The following INTS6L variants were observed in gnomAD, a reference collection of about 807,000 sequenced individuals.
INTS6L encodes integrator complex subunit 6-like.
In INTS6L, 18 loss-of-function variants were observed where a neutral mutation model predicts 64.7. That is an observed-to-expected ratio of 0.28 (90% CI 0.19 to 0.41). INTS6L has a LOEUF of 0.41. Among genes scored for constraint, INTS6L ranks in the 10% least tolerant of loss-of-function variants. The pLI is 1.00. For synonymous variants in INTS6L, 227 were observed against 235.9 expected (o/e 0.96, Z 0.34); for missense variants, 533 against 661.0 (o/e 0.81, Z 2.12).
chrX:135,535,689 A>G (rs2086034987), intron 2 of INTS6L, among the ~76,000 whole-genome samples: 1 of 112,267 alleles, frequency 8.9e-6, no homozygotes, highest in South Asian at 3.7e-4. Context: ...GTTTTCCCCA[A>G]ACTTATGGAG....
intron 2 of INTS6L, 63 bp downstream of exon 2, chrX:135,521,381 C>A (rs1212342516): frequency 3.7e-6 from 4 of 1,073,604 alleles, no homozygotes; most frequent in African/African-American, 1.9e-5. Context: ...GGGCTGCTTA[C>A]CCCCCTGCCC....
intron 15 of INTS6L, among the ~76,000 whole-genome samples, chrX:135,578,235 C>A (rs1421629581): frequency 9.0e-6 from 1 of 111,684 alleles, no homozygotes; most frequent in Non-Finnish European, 1.9e-5. Flanking sequence ...AATTGCTCCT[C>A]AATTTCAGAC....
Position 135,535,397 on chromosome X carries a change from A to T in INTS6L, c.190-10026A>T, listed in dbSNP as rs782717561. ...GTTATCAGAATTGGAGTCCATTTTA[A>T]TTGTGAGAAGAAAATTCCTGAAGTT... On this transcript the variant is annotated intron_variant, in intron 2 of 17. Transcript: ENST00000639893. 4.5e-5 allele frequency among the ~76,000 whole-genome samples: 5 copies of T among 112,341 alleles called. No individual in the cohort carries two copies. In the East Asian group the frequency reaches 1.1e-3, roughly 25 times the overall value.
At chrX:135,534,325 G>A (rs782088063) in intron 2 of INTS6L, among the ~76,000 whole-genome samples, 8 of 110,473 alleles carry the variant, frequency 7.2e-5, no homozygotes, top group Non-Finnish European at 1.1e-4. Flanking sequence ...GTTAAAATAT[G>A]TGATCATGTG....
In INTS6L at chrX:135,582,135, A is replaced by C. The variant is rs1487285991; in HGVS notation, c.*499A>C. The C allele has an allele frequency of 8.8e-6, 1 of 113,469 alleles. No individual in the cohort carries two copies. The highest frequency in any genetic ancestry group is 1.9e-5 in the Non-Finnish European group (1 of 53,801). 9.4% of individuals were successfully genotyped at this position (113,469 alleles called of 1,213,427 possible). A position where few individuals can be genotyped will look rare whatever the true frequency, so the allele number is the denominator to read the frequency against. On this transcript the variant is annotated 3_prime_UTR_variant, in exon 18 of 18. Coordinates refer to ENST00000639893, the MANE Select transcript of INTS6L (RefSeq NM_001351601.3). Reference sequence around the variant, plus strand: ...ACCATGCAATATTCAGGATAGTTTGAATCAAAGAAGTAAGAAGCTGCTATT... The same window carrying C: ...ACCATGCAATATTCAGGATAGTTTGCATCAAAGAAGTAAGAAGCTGCTATT...
intron 5 of INTS6L, 75 bp downstream of exon 5, chrX:135,546,960 A>G (rs925427777): frequency 8.8e-7 from 1 of 1,137,614 alleles, no homozygotes. Flanking sequence ...TGCCATATCC[A>G]GTCTTTACTT....
chrX:135,556,100 T>TA, intron 8 of INTS6L, 68 bp from the exon 9 acceptor site: 1 of 1,043,123 alleles, frequency 9.6e-7, no homozygotes, highest in Non-Finnish European at 1.3e-6. Context: ...TATGGAATGT[T>TA]ACAATGGGTT....
At chrX:135,568,382 T>TA (rs1556525839) in intron 9 of INTS6L, among the ~76,000 whole-genome samples, 1 of 110,562 alleles carries the variant, frequency 9.0e-6, no homozygotes, top group Non-Finnish European at 1.9e-5. Context: ...CATCTGTACT[T>TA]ACTTCTACTA....
intron 9 of INTS6L, among the ~76,000 whole-genome samples, chrX:135,567,446 G>A: frequency 9.0e-6 from 1 of 111,513 alleles, no homozygotes; most frequent in South Asian, 3.8e-4. Flanking sequence ...GTCACCCCAG[G>A]AGCTCTCTAC....
chrX:135,528,600 G>A (rs946213595), intron 2 of INTS6L, among the ~76,000 whole-genome samples: 1 of 111,726 alleles, frequency 9.0e-6, no homozygotes, highest in Admixed American at 9.5e-5. Context: ...CACTTGAAAG[G>A]TGGCTAGTCT....
At chrX:135,563,619 ATGTG>A (rs1186644920) in intron 9 of INTS6L, among the ~76,000 whole-genome samples, 1,123 of 11,903 alleles carry the variant, frequency 0.094, 38 homozygotes, top group South Asian at 0.16. Flanking sequence ...ATATATCCAT[ATGTG>A]TGTGTGTGTG....
At chrX:135,531,684 C>T (rs1455965036) in intron 2 of INTS6L, among the ~76,000 whole-genome samples, 6 of 111,713 alleles carry the variant, frequency 5.4e-5, no homozygotes, top group South Asian at 7.4e-4. Flanking sequence ...TGCTAACTTT[C>T]GAAAAAAGTT....
At chrX:135,581,171 T>G in intron 17 of INTS6L, 28 bp downstream of exon 17, 1 of 1,089,859 alleles carries the variant, frequency 9.2e-7, no homozygotes, top group East Asian at 3.1e-5. Flanking sequence ...CTCTTCAATT[T>G]TTTGTTTTTG....
At chrX:135,529,344 A>G (rs1241853091) in intron 2 of INTS6L, among the ~76,000 whole-genome samples, 1 of 111,626 alleles carries the variant, frequency 9.0e-6, no homozygotes, top group Non-Finnish European at 1.9e-5. Flanking sequence ...GCTGTTTTTG[A>G]GAGCTTTCTT....
chrX:135,524,210 A>G (rs969428973), intron 2 of INTS6L, among the ~76,000 whole-genome samples: 2 of 111,409 alleles, frequency 1.8e-5, no homozygotes, highest in Non-Finnish European at 3.8e-5. Context: ...CTGAAATTTT[A>G]GAACATCTGG....
intron 9 of INTS6L, among the ~76,000 whole-genome samples, chrX:135,568,369 T>A (rs782240003): frequency 9.1e-6 from 1 of 110,341 alleles, no homozygotes; most frequent in African/African-American, 3.3e-5. Flanking sequence ...AACTTCAACC[T>A]AACATCTGTA....
intron 8 of INTS6L, among the ~76,000 whole-genome samples, chrX:135,554,498 C>T (rs1235836663): frequency 8.9e-6 from 1 of 111,795 alleles, no homozygotes; most frequent in East Asian, 2.8e-4. Flanking sequence ...AATTACATTA[C>T]ATAATTATAC....
chrX:135,569,485 C>A, intron 10 of INTS6L, 54 bp downstream of exon 10: 1 of 795,112 alleles, frequency 1.3e-6, no homozygotes, highest in Non-Finnish European at 1.7e-6. Flanking sequence ...ATTCTTGTCA[C>A]AAGAAATGTT....
intron 9 of INTS6L, among the ~76,000 whole-genome samples, chrX:135,566,231 A>G (rs1477505374): frequency 3.6e-5 from 4 of 112,087 alleles, no homozygotes; most frequent in African/African-American, 1.3e-4. Context: ...CTTACCTCAA[A>G]GGGATTTAGT....
Sources: gnomAD v4.1 joint callset for allele counts (sites outside exome capture counted in the v4.1 genomes callset) on GRCh38, gnomAD v4.1.1 for gene constraint, MANE v1.5 for transcripts, NCBI Gene and HGNC (gene_info 2026-07-23, HGNC 2026-07-21) for gene names.